GRM7: variants seen among roughly 807,000 people sequenced by gnomAD.
GRM7 encodes the protein metabotropic glutamate receptor 7.
Under a neutral mutation model 84.5 loss-of-function variants are expected in GRM7, and 35 were observed. That is an observed-to-expected ratio of 0.41 (90% CI 0.32 to 0.55). The LOEUF is 0.55. Ranked by LOEUF, GRM7 falls within the 20% of genes least tolerant of loss-of-function variation. The pLI, the probability that GRM7 is intolerant of heterozygous loss-of-function variation, is 0.19. For missense variants in GRM7, 1,003 were observed against 1,194.6 expected (o/e 0.84, Z 2.36); for synonymous variants, 487 against 455.1 (o/e 1.07, Z -0.89).
intron 8 of GRM7, among the ~76,000 whole-genome samples, chr3:7,600,271 T>G (rs140644146): frequency 6.6e-6 from 1 of 152,208 alleles, no homozygotes; most frequent in African/African-American, 2.4e-5. Context: ...CAATTTTAAT[T>G]TAGAGGGAAA....
intron 4 of GRM7, among the ~76,000 whole-genome samples, chr3:7,321,215 C>G (rs187703896): frequency 9.9e-4 from 150 of 152,066 alleles, no homozygotes; most frequent in Non-Finnish European, 1.9e-3. Context: ...TATTTTTGTT[C>G]TGACTTGTCA....
intron 8 of GRM7, among the ~76,000 whole-genome samples, chr3:7,611,730 C>T (rs1028101630): frequency 1.3e-5 from 2 of 152,096 alleles, no homozygotes; most frequent in African/African-American, 2.4e-5. Flanking sequence ...TTTCAGGCCC[C>T]ACCCAGACCT....
intron 1 of GRM7, among the ~76,000 whole-genome samples, chr3:7,082,774 A>T (rs1301665933): frequency 6.6e-6 from 1 of 152,146 alleles, no homozygotes; most frequent in Non-Finnish European, 1.5e-5. Context: ...TCCAACCCTC[A>T]TGGATGACTT....
intron 7 of GRM7, among the ~76,000 whole-genome samples, chr3:7,507,153 G>A (rs1700063947): frequency 6.6e-6 from 1 of 152,116 alleles, no homozygotes; most frequent in African/African-American, 2.4e-5. Context: ...AGCAGAAATT[G>A]ACTCTGGTTA....
intron 4 of GRM7, among the ~76,000 whole-genome samples, chr3:7,379,302 A>T (rs1281219649): frequency 6.6e-6 from 1 of 152,048 alleles, no homozygotes. Context: ...CAGCTTGCCC[A>T]TGCTGGTCTC....
chr3:7,031,328 G>C (rs995401026), intron 1 of GRM7, among the ~76,000 whole-genome samples: 1 of 151,898 alleles, frequency 6.6e-6, no homozygotes, highest in African/African-American at 2.4e-5. Flanking sequence ...TTCAGATGCT[G>C]CCTTCATGTC....
At chr3:7,436,177 C>G (rs1008954395) in intron 5 of GRM7, among the ~76,000 whole-genome samples, 1 of 152,016 alleles carries the variant, frequency 6.6e-6, no homozygotes, top group Non-Finnish European at 1.5e-5. Flanking sequence ...ATAAAAATAA[C>G]CTTTGTTTTC....
At chr3:7,154,101 A>T (rs942840468) in intron 2 of GRM7, among the ~76,000 whole-genome samples, 8 of 152,218 alleles carry the variant, frequency 5.3e-5, no homozygotes, top group African/African-American at 1.9e-4. Flanking sequence ...AACTTGTGTG[A>T]ATCTTGAATT....
chr3:7,033,175 A>G (rs1166480602), intron 1 of GRM7, among the ~76,000 whole-genome samples: 1 of 151,630 alleles, frequency 6.6e-6, no homozygotes, highest in Non-Finnish European at 1.5e-5. Context: ...TTCACCCTTC[A>G]GTGTGTCTAT....
At chr3:7,468,919 T>C (rs1466559910) in intron 7 of GRM7, among the ~76,000 whole-genome samples, 2 of 152,212 alleles carry the variant, frequency 1.3e-5, no homozygotes, top group Non-Finnish European at 2.9e-5. Flanking sequence ...CTTTCTTTTA[T>C]AAATTATCCA....
chr3:7,356,033 A>G (rs1693382538), intron 4 of GRM7, among the ~76,000 whole-genome samples: 1 of 152,096 alleles, frequency 6.6e-6, no homozygotes, highest in Admixed American at 6.5e-5. Context: ...AGTCTTCCCC[A>G]TAGGCAGAAC....
At position 7,587,299 on chromosome 3, in the gene GRM7, A is replaced by G. The variant is rs138166477; in HGVS notation, c.2451+7942A>G. ...GAAATATATTTGTAATGATATTACA[A>G]TTGTGCAAATTAGAGTAAGTAAAGC... On this transcript the variant is annotated intron_variant, in intron 8 of 9. Transcript: ENST00000357716. Among the ~76,000 whole-genome samples, 855 of 152,300 alleles carry G rather than the reference A, an allele frequency of 5.6e-3. 14 individuals are homozygous for G. Among genetic ancestry groups the G allele is most frequent in the African/African-American group, 0.019 (798 of 41,542 alleles).
At chr3:7,130,406 G>A (rs1200712341) in intron 1 of GRM7, among the ~76,000 whole-genome samples, 1 of 152,084 alleles carries the variant, frequency 6.6e-6, no homozygotes, top group Admixed American at 6.6e-5. Context: ...AGCCAGGTGT[G>A]GTGGCAGGCA....
At chr3:7,333,072 T>A (rs2125068203) in intron 4 of GRM7, among the ~76,000 whole-genome samples, 1 of 152,176 alleles carries the variant, frequency 6.6e-6, no homozygotes, top group East Asian at 1.9e-4. Flanking sequence ...TTATAGCAAC[T>A]CATAACAGAA....
intron 7 of GRM7, among the ~76,000 whole-genome samples, chr3:7,516,106 A>G (rs2124983436): frequency 7.0e-6 from 1 of 142,376 alleles, no homozygotes; most frequent in East Asian, 2.1e-4. Context: ...TAGAGCCCGC[A>G]GTGAGTGTGA....
At chr3:7,118,264 A>C (rs1693106537) in intron 1 of GRM7, among the ~76,000 whole-genome samples, 1 of 151,718 alleles carries the variant, frequency 6.6e-6, no homozygotes, top group Admixed American at 6.6e-5. Context: ...GGTTGTATGC[A>C]TCTGTAGTCC....
chr3:7,302,093 T>C (rs1700022138), intron 3 of GRM7, among the ~76,000 whole-genome samples: 1 of 152,092 alleles, frequency 6.6e-6, no homozygotes, highest in East Asian at 1.9e-4. Flanking sequence ...GTTTTTTTAT[T>C]GTTTTTTTTC....
intron 6 of GRM7, among the ~76,000 whole-genome samples, chr3:7,456,039 A>G (rs1575362845): frequency 1.3e-5 from 2 of 151,984 alleles, no homozygotes; most frequent in Non-Finnish European, 2.9e-5. Flanking sequence ...TTCTTTCTGT[A>G]TTTTTTTCTT....
intron 1 of GRM7, among the ~76,000 whole-genome samples, chr3:6,883,981 A>C (rs1175322153): frequency 6.6e-6 from 1 of 152,224 alleles, no homozygotes; most frequent in Non-Finnish European, 1.5e-5. Context: ...TAGCCATTAA[A>C]GTCAGTGTGA....
Sources: gnomAD v4.1 joint callset for allele counts (sites outside exome capture counted in the v4.1 genomes callset) on GRCh38, gnomAD v4.1.1 for gene constraint, MANE v1.5 for transcripts, NCBI Gene and HGNC (gene_info 2026-07-23, HGNC 2026-07-21) for gene names.